Variants in RPSA2 observed in about 807,000 individuals in gnomAD.
RPSA2 encodes ribosomal protein SA 2.
chr19:23,824,654 A>ACCT, the RPSA2 span, among the ~76,000 whole-genome samples: 1 of 104,562 alleles, frequency 9.6e-6, no homozygotes, highest in Non-Finnish European at 1.8e-5. Flanking sequence ...GACAGCCTTG[A>ACCT]CCTCCTAAAA....
the RPSA2 span, among the ~76,000 whole-genome samples, chr19:23,800,819 G>T: frequency 6.6e-6 from 1 of 151,994 alleles, no homozygotes; most frequent in Non-Finnish European, 1.5e-5. Flanking sequence ...TTCCATATTG[G>T]TCAGGCTGGT....
chr19:23,761,059 T>TATATAC, the RPSA2 span, among the ~76,000 whole-genome samples: 2 of 121,330 alleles, frequency 1.6e-5, no homozygotes, highest in African/African-American at 6.3e-5. Flanking sequence ...TGTGTATATA[T>TATATAC]ATATATGTTT....
chr19:23,776,217 T>C, the RPSA2 span, among the ~76,000 whole-genome samples: 1 of 152,208 alleles, frequency 6.6e-6, no homozygotes, highest in African/African-American at 2.4e-5. Context: ...TGCTTCTGTG[T>C]AGAACCTGAG....
chr19:23,852,505 G>T, the RPSA2 span, among the ~76,000 whole-genome samples: 9 of 152,314 alleles, frequency 5.9e-5, no homozygotes, highest in East Asian at 9.7e-4. Flanking sequence ...CTAACTAAAA[G>T]TATCCCTTAA....
At chr19:23,857,716 C>T in the RPSA2 span, among the ~76,000 whole-genome samples, 6 of 151,886 alleles carry the variant, frequency 4.0e-5, no homozygotes, top group South Asian at 2.1e-4. Flanking sequence ...AGGCTGGTCT[C>T]GAACTGCTGA....
the RPSA2 span, among the ~76,000 whole-genome samples, chr19:23,772,579 C>CA: frequency 1.3e-5 from 2 of 152,102 alleles, no homozygotes; most frequent in African/African-American, 4.8e-5. Flanking sequence ...AGAATTGCCA[C>CA]CCTCCCACAT....
At chr19:23,819,604 A>G in the RPSA2 span, among the ~76,000 whole-genome samples, 48 of 152,330 alleles carry the variant, frequency 3.2e-4, no homozygotes, top group African/African-American at 9.6e-4. Flanking sequence ...ATACCCAGCC[A>G]TGAATTTTTT....
the RPSA2 span, among the ~76,000 whole-genome samples, chr19:23,848,375 C>G: frequency 6.6e-6 from 1 of 152,210 alleles, no homozygotes; most frequent in East Asian, 1.9e-4. Context: ...ACTGGTCCAG[C>G]ACACTAAAAA....
At chr19:23,805,372 C>A in the RPSA2 span, among the ~76,000 whole-genome samples, 1 of 152,052 alleles carries the variant, frequency 6.6e-6, no homozygotes, top group Non-Finnish European at 1.5e-5. Context: ...TCATGTTGGT[C>A]AGGCTGGTCT....
chr19:23,831,984 T>G, the RPSA2 span: 2 of 384,784 alleles, frequency 5.2e-6, no homozygotes, highest in South Asian at 4.9e-5. Flanking sequence ...GTAAAAAATG[T>G]GGAAAAACCT....
chr19:23,832,412 CATTA>C, the RPSA2 span: 1 of 506,288 alleles, frequency 2.0e-6, no homozygotes, highest in Non-Finnish European at 4.0e-6. Flanking sequence ...TGTGGCAAAG[CATTA>C]ATTCAATTCT....
At chr19:23,810,744 G>T in the RPSA2 span, among the ~76,000 whole-genome samples, 1 of 152,086 alleles carries the variant, frequency 6.6e-6, no homozygotes, top group African/African-American at 2.4e-5. Context: ...GCTATAAATG[G>T]GTGTCTTCCT....
At chr19:23,864,042 C>G in the RPSA2 span, among the ~76,000 whole-genome samples, 1 of 152,164 alleles carries the variant, frequency 6.6e-6, no homozygotes. Flanking sequence ...GTTTTCAGCA[C>G]TTATTGTCAC....
chr19:23,800,118 T>C, the RPSA2 span, among the ~76,000 whole-genome samples: 1 of 151,328 alleles, frequency 6.6e-6, no homozygotes, highest in East Asian at 2.0e-4. Flanking sequence ...AACCTCTGCC[T>C]GTCAGGTTCA....
chr19:23,840,557 G>T, the RPSA2 span, among the ~76,000 whole-genome samples: 1 of 152,138 alleles, frequency 6.6e-6, no homozygotes, highest in Non-Finnish European at 1.5e-5. Flanking sequence ...AAAAAAGATG[G>T]AATTAATGGC....
the RPSA2 span, among the ~76,000 whole-genome samples, chr19:23,865,474 G>C: frequency 6.6e-6 from 1 of 152,026 alleles, no homozygotes. Flanking sequence ...TTTCTGCTTG[G>C]GGTTTGGTTC....
the RPSA2 span, among the ~76,000 whole-genome samples, chr19:23,865,630 C>T: frequency 6.6e-6 from 1 of 152,060 alleles, no homozygotes; most frequent in African/African-American, 2.4e-5. Context: ...TGGCCATTTG[C>T]TAAGCAGAAA....
At chr19:23,858,373 A>G in the RPSA2 span, among the ~76,000 whole-genome samples, 2 of 152,148 alleles carry the variant, frequency 1.3e-5, no homozygotes, top group Non-Finnish European at 2.9e-5. Context: ...GCATGTAACT[A>G]GATTACACTT....
At chr19:23,773,373 T>G in the RPSA2 span, among the ~76,000 whole-genome samples, 2 of 151,822 alleles carry the variant, frequency 1.3e-5, no homozygotes, top group African/African-American at 4.8e-5. Flanking sequence ...AACCTCCACC[T>G]CCTGGGTTCA....
Sources: allele counts gnomAD v4.1 joint callset (sites outside exome capture counted in the v4.1 genomes callset), GRCh38; gene constraint gnomAD v4.1.1; transcripts MANE v1.5; gene names NCBI Gene and HGNC (gene_info 2026-07-23, HGNC 2026-07-21).